The following KCNQ1 variants were observed in gnomAD, a reference collection of about 807,000 sequenced individuals.
KCNQ1 encodes the protein potassium voltage-gated channel subfamily Q member 1, also known as potassium voltage-gated channel subfamily KQT member 1.
A neutral mutation model predicts 72.4 loss-of-function variants in KCNQ1; 49 were observed. That is an observed-to-expected ratio of 0.68 (90% CI 0.54 to 0.86). The LOEUF is 0.86. Ranked by LOEUF, KCNQ1 falls within the 40% of genes least tolerant of loss-of-function variation. The pLI is 0.00. For missense variants in KCNQ1, 790 were observed against 945.1 expected (o/e 0.84, Z 2.15); for synonymous variants, 450 against 412.6 (o/e 1.09, Z -1.10).
At chr11:2,770,840 G>A (rs1459225176) in intron 12 of KCNQ1, among the ~76,000 whole-genome samples, 2 of 152,250 alleles carry the variant, frequency 1.3e-5, no homozygotes, top group Non-Finnish European at 2.9e-5. Flanking sequence ...GAAGAGAGAG[G>A]CCAGCCTCCT....
intron 15 of KCNQ1, among the ~76,000 whole-genome samples, chr11:2,780,537 C>G (rs541078927): frequency 1.3e-5 from 2 of 152,314 alleles, no homozygotes; most frequent in South Asian, 4.1e-4. Context: ...GGCTGCCTGC[C>G]GGAAGGGAGT....
At chr11:2,739,167 A>C (rs563702170) in intron 11 of KCNQ1, among the ~76,000 whole-genome samples, 135 of 152,316 alleles carry the variant, frequency 8.9e-4, no homozygotes, top group Non-Finnish European at 1.8e-3. Context: ...ATGTGTGCCC[A>C]GCATGTCTGG....
At position 2,817,608 on chromosome 11, in the gene KCNQ1, G is replaced by C. The variant is rs953163900; in HGVS notation, c.1795-30159G>C. Among the ~76,000 whole-genome samples, 9 of 152,276 alleles carry C rather than the reference G, an allele frequency of 5.9e-5. No individual in the cohort carries two copies. Among genetic ancestry groups the C allele is most frequent in the African/African-American group, 1.9e-4 (8 of 41,556 alleles). Reference sequence around the variant, plus strand: ...TGGCCAGGGAGGTGGAGGACGCTGGGCAGAGCCCTGGGCATTAACTCAGGG... The same window carrying C: ...TGGCCAGGGAGGTGGAGGACGCTGGCCAGAGCCCTGGGCATTAACTCAGGG... On this transcript the variant is annotated intron_variant, in intron 15 of 15. Coordinates refer to ENST00000155840, the MANE Select transcript of KCNQ1 (RefSeq NM_000218.3). The surrounding 1 kb of genome is among the most constrained non-coding windows in gnomAD (Gnocchi z 6.1).
At chr11:2,737,244 C>T (rs983673258) in intron 11 of KCNQ1, among the ~76,000 whole-genome samples, 2 of 152,122 alleles carry the variant, frequency 1.3e-5, no homozygotes, top group Admixed American at 1.3e-4. Context: ...CCCAGGGCAC[C>T]CAGCACAGAA....
chr11:2,445,934 G>A (rs1457022558), intron 1 of KCNQ1, among the ~76,000 whole-genome samples: 1 of 152,186 alleles, frequency 6.6e-6, no homozygotes, highest in Non-Finnish European at 1.5e-5. Flanking sequence ...TGAGGCCCAG[G>A]TGGACTCTGG....
In KCNQ1 at chr11:2,670,406, T is replaced by C. The variant is rs1453937669; in HGVS notation, c.1514+8325T>C. ...GCATTAACCAGACACCTACTATGTG[T>C]ATTTCTTGTGTTGGGGTTAGGAGAT... On this transcript the variant is annotated intron_variant, in intron 11 of 15. Transcript: ENST00000155840. The surrounding 1 kb of genome is among the most constrained non-coding windows in gnomAD (Gnocchi z 4.9). The C allele has an allele frequency of 3.5e-5, 14 of 398,244 alleles. No homozygotes were observed. The highest frequency in any genetic ancestry group is 6.3e-4 in the Middle Eastern group (1 of 1,588). The allele number at this position is 398,244 out of a possible 1,614,324, so 24.7% of individuals were successfully genotyped here.
chr11:2,638,067 T>A (rs1589996863), intron 10 of KCNQ1: 1 of 152,232 alleles, frequency 6.6e-6, no homozygotes, highest in East Asian at 1.9e-4. Flanking sequence ...TGAGCCTATG[T>A]GTGTCTCTGC....
rs984209852 is a variant in KCNQ1, at chr11:2,772,396, G to A, written c.1590+3477G>A. On this transcript the variant is annotated intron_variant, in intron 12 of 15. Coordinates refer to ENST00000155840, the MANE Select transcript of KCNQ1 (RefSeq NM_000218.3). This position sits in a 1 kb window ranked among gnomAD's most constrained non-coding sequence, Gnocchi z 6.6. ...GCCTTGAACTCCCTGTCCACCATCA[G>A]TCAGTCTGGACAGGCCTGCATTATC... 2.0e-5 allele frequency among the ~76,000 whole-genome samples: 3 copies of A among 152,094 alleles called. No individual in the cohort carries two copies. Among genetic ancestry groups the A allele is most frequent in the Admixed American group, 6.5e-5 (1 of 15,274 alleles).
chr11:2,707,158 G>A (rs1850924863), intron 11 of KCNQ1, among the ~76,000 whole-genome samples: 1 of 152,156 alleles, frequency 6.6e-6, no homozygotes, highest in Admixed American at 6.5e-5. Flanking sequence ...CACAGAGAAG[G>A]GGGAGCAGGT....
intron 2 of KCNQ1, among the ~76,000 whole-genome samples, chr11:2,551,367 C>G (rs952731445): frequency 1.3e-5 from 2 of 152,004 alleles, no homozygotes; most frequent in African/African-American, 2.4e-5. Flanking sequence ...CGGCGTGTAG[C>G]CTCTGCGCCT....
At chr11:2,801,942 G>A (rs1028587626) in intron 15 of KCNQ1, among the ~76,000 whole-genome samples, 5 of 152,250 alleles carry the variant, frequency 3.3e-5, no homozygotes, top group East Asian at 1.9e-4. Context: ...CTGGAGCCCC[G>A]GGCAGGCCCA....
rs1269333879 is a variant in KCNQ1 at position 2,536,850 on chromosome 11, G to T, written c.477+8832G>T. On this transcript the variant is annotated intron_variant, in intron 2 of 15. Coordinates refer to ENST00000155840, the MANE Select transcript of KCNQ1 (RefSeq NM_000218.3). This position sits in a 1 kb window ranked among gnomAD's most constrained non-coding sequence, Gnocchi z 7.4. ...AGGGCCGAGACCCAGGTGTGGGCAG[G>T]GCTGGTTCTTCTGAGGCCCCTCCCG... 1.3e-5 allele frequency among the ~76,000 whole-genome samples: 2 copies of T among 152,040 alleles called. No homozygotes were observed. The highest frequency in any genetic ancestry group is 2.4e-5 in the African/African-American group (1 of 41,322).
intron 11 of KCNQ1, chr11:2,684,055 T>C (rs949038502): frequency 1.3e-5 from 5 of 398,430 alleles, no homozygotes; most frequent in East Asian, 3.6e-5. Context: ...TATCAAGACA[T>C]TGTTTAGAGT....
Position 2,654,866 on chromosome 11 carries a change from G to A in KCNQ1, c.1394-7095G>A, listed in dbSNP as rs1160079552. On this transcript the variant is annotated intron_variant, in intron 10 of 15. Coordinates refer to ENST00000155840, the MANE Select transcript of KCNQ1 (RefSeq NM_000218.3). The surrounding 1 kb of genome is among the most constrained non-coding windows in gnomAD (Gnocchi z 6.4). Reference sequence around the variant, plus strand: ...ATGGGCAGCTCCAGGCCAGGTGGAGGGACATATTCTGGCAACTCTAGGATA... The same window carrying A: ...ATGGGCAGCTCCAGGCCAGGTGGAGAGACATATTCTGGCAACTCTAGGATA... 7.5e-6 allele frequency: 3 copies of A among 398,444 alleles called. No homozygotes were observed. Among genetic ancestry groups the A allele is most frequent in the Non-Finnish European group, 1.3e-5 (3 of 226,098 alleles). The allele number at this position is 398,444 out of a possible 1,614,324, so 24.7% of individuals were successfully genotyped here. A position where few individuals can be genotyped will look rare whatever the true frequency, so the allele number is the denominator to read the frequency against.
At chr11:2,604,272 G>A (rs1462843608) in intron 10 of KCNQ1, among the ~76,000 whole-genome samples, 2 of 151,320 alleles carry the variant, frequency 1.3e-5, no homozygotes, top group African/African-American at 4.8e-5. Flanking sequence ...GAGGTCAGGA[G>A]TTCGAGACCA....
At chr11:2,534,609 G>A (rs1847698723) in intron 2 of KCNQ1, among the ~76,000 whole-genome samples, 1 of 152,226 alleles carries the variant, frequency 6.6e-6, no homozygotes, top group Admixed American at 6.5e-5. Context: ...GTTGCCCAGG[G>A]ACGGGGGTAC....
chr11:2,574,163 C>G (rs923158633), intron 6 of KCNQ1, among the ~76,000 whole-genome samples: 23 of 152,192 alleles, frequency 1.5e-4, no homozygotes, highest in Admixed American at 2.6e-4. Flanking sequence ...CATCTCCCCC[C>G]ACAGCTGCAG....
In KCNQ1 at chr11:2,842,712, C is replaced by T. The variant is rs539539118; in HGVS notation, c.1795-5055C>T. Among the ~76,000 whole-genome samples the T allele has an allele frequency of 1.2e-4, 18 of 152,328 alleles. No homozygotes were observed. In the South Asian group the frequency reaches 3.5e-3, roughly 30 times the overall value. Reference sequence around the variant, plus strand: ...CATGCCTCCCGTGTGCACAGCAGTGCTCCTTTGGCCTCAGGCCACAGGCAT... The same window carrying T: ...CATGCCTCCCGTGTGCACAGCAGTGTTCCTTTGGCCTCAGGCCACAGGCAT... On this transcript the variant is annotated intron_variant, in intron 15 of 15. Transcript: ENST00000155840.
chr11:2,833,501 G>A (rs765029395), intron 15 of KCNQ1, among the ~76,000 whole-genome samples: 3 of 152,214 alleles, frequency 2.0e-5, no homozygotes, highest in Non-Finnish European at 2.9e-5. Flanking sequence ...CCCCAGGCAC[G>A]TGGACCTGGG....
Sources: gnomAD v4.1 joint callset for allele counts (sites outside exome capture counted in the v4.1 genomes callset) on GRCh38, gnomAD v4.1.1 for gene constraint, Gnocchi (gnomAD v3.1) non-coding constraint, MANE v1.5 for transcripts, NCBI Gene and HGNC (gene_info 2026-07-23, HGNC 2026-07-21) for gene names.